Variants in N4BP1 observed in about 807,000 individuals in gnomAD.
N4BP1 encodes NEDD4-binding protein 1.
Under a neutral mutation model 70.9 loss-of-function variants are expected in N4BP1, and 21 were observed. The observed-to-expected ratio is 0.30, with a 90% CI of 0.21 to 0.43. The LOEUF (loss-of-function observed/expected upper bound fraction) is 0.43. Ranked by LOEUF, N4BP1 falls within the 20% of genes least tolerant of loss-of-function variation. The probability of loss-of-function intolerance (pLI) is 1.00; values close to 1 mark genes in which losing one functional copy is unlikely to be tolerated. For missense variants in N4BP1, 936 were observed against 1,069.4 expected (o/e 0.88, Z 1.74); for synonymous variants, 387 against 394.6 (o/e 0.98, Z 0.23).
chr16:48,609,895 A>G lies in N4BP1; in HGVS notation c.78T>C (p.Arg26=), dbSNP rs1430977376. 1 of 1,477,256 alleles carries G rather than the reference A, an allele frequency of 6.8e-7. No individual in the cohort carries two copies. Among genetic ancestry groups the G allele is most frequent in the Non-Finnish European group, 9.0e-7 (1 of 1,116,030 alleles). 91.5% of individuals were successfully genotyped at this position (1,477,256 alleles called of 1,614,324 possible). A position where few individuals can be genotyped will look rare whatever the true frequency, so the allele number is the denominator to read the frequency against. The change falls in exon 1 of 7, where the codon CGT becomes CGC. Residue 26 remains arginine, a synonymous_variant. Coordinates refer to ENST00000262384, the MANE Select transcript of N4BP1 (RefSeq NM_153029.4). ...KAELLEQSRG[R]IEGLFGVSLA... ...GGCTCACGCCAAACAGGCCCTCGAT[A>G]CGGCCGCGGCTCTGCTCCAGCAGCT... is the stretch of plus-strand genomic sequence containing the variant.
chr16:48,566,893 G>C (rs922086972), intron 1 of N4BP1, among the ~76,000 whole-genome samples: 1 of 152,174 alleles, frequency 6.6e-6, no homozygotes, highest in African/African-American at 2.4e-5. Context: ...TCTACTGATA[G>C]GAATATAAAG....
At position 48,542,879 on chromosome 16, in the gene N4BP1, G is replaced by A. The variant is rs760739461; in HGVS notation, c.*25C>T. ...TGAGTTTGATCAGCCAGCCCTGAGC[G>A]CAAGCTCAGCGCTCAGCACAATCTT... On this transcript the variant is annotated 3_prime_UTR_variant, in exon 7 of 7. Coordinates refer to ENST00000262384, the MANE Select transcript of N4BP1 (RefSeq NM_153029.4). The A allele has an allele frequency of 8.3e-6, 13 of 1,563,630 alleles. No individual in the cohort carries two copies. Among genetic ancestry groups the A allele is most frequent in the South Asian group, 8.1e-5 (7 of 86,058 alleles).
chr16:48,563,068 T>C (rs573348373), intron 1 of N4BP1, among the ~76,000 whole-genome samples: 1 of 152,260 alleles, frequency 6.6e-6, no homozygotes, highest in African/African-American at 2.4e-5. Flanking sequence ...TTAAATTAAA[T>C]GCAGATCTAA....
At chr16:48,567,321 T>G (rs183244360) in intron 1 of N4BP1, among the ~76,000 whole-genome samples, 1 of 152,300 alleles carries the variant, frequency 6.6e-6, no homozygotes, top group East Asian at 1.9e-4. Context: ...CCTACTGCAT[T>G]TTTTTCTTTG....
At position 48,546,183 on chromosome 16, in the gene N4BP1, C is replaced by A. The variant is rs752687078; in HGVS notation, c.2297G>T (p.Arg766Leu). The change falls in exon 6 of 7, where the codon CGA becomes CTA. Residue 766 changes from arginine to leucine, a missense_variant. Physicochemically the swap from Arg to Leu is moderately radical, Grantham distance 102 (BLOSUM62 -2). Transcript: ENST00000262384. ...TTCCTTCTGAAGAAACTCCTCTAATCGAGGTCCACTTCTTCCCAGAGGATC... is the reference window on the plus strand; with the variant it reads ...TTCCTTCTGAAGAAACTCCTCTAATAGAGGTCCACTTCTTCCCAGAGGATC... The part of the protein sequence containing the change: ...PDDPLGRSGP[R>L]LEEFLQKEVC... The A allele has an allele frequency of 1.2e-6, 2 of 1,612,870 alleles. No homozygotes were observed. Among genetic ancestry groups the A allele is most frequent in the Non-Finnish European group, 1.7e-6 (2 of 1,179,438 alleles).
intron 1 of N4BP1, among the ~76,000 whole-genome samples, chr16:48,568,655 C>A (rs1192009783): frequency 1.3e-5 from 2 of 152,186 alleles, no homozygotes; most frequent in African/African-American, 4.8e-5. Flanking sequence ...TCTTCCCCAG[C>A]AAACTGAGAA....
chr16:48,572,961 A>ATT (rs919027033), intron 1 of N4BP1, among the ~76,000 whole-genome samples: 89 of 151,830 alleles, frequency 5.9e-4, no homozygotes, highest in African/African-American at 2.0e-3. Context: ...AAAGTTAAAA[A>ATT]ATTAGCCGAG....
At chr16:48,581,204 G>A (rs563055903) in intron 1 of N4BP1, among the ~76,000 whole-genome samples, 1 of 151,122 alleles carries the variant, frequency 6.6e-6, no homozygotes, top group African/African-American at 2.4e-5. Flanking sequence ...TCAGTTCAAT[G>A]AATGCCAAAA....
rs1187662597 is a variant in N4BP1 at position 48,562,322 on chromosome 16, A to G, written c.321T>C (p.Cys107=). 2 of 1,613,830 alleles carry G rather than the reference A, an allele frequency of 1.2e-6. No homozygotes were observed. The highest frequency in any genetic ancestry group is 1.7e-6 in the Non-Finnish European group (2 of 1,179,868). ...CAATGTCCAGAATGCAGAGGTCAGC[A>G]CAAGTATCCTGAATCAAGCTTTTCA... ...LFLKSLIQDT[C]ADLCILDIGL... is the part of the protein sequence containing the mutation. The change falls in exon 2 of 7, where the codon TGT becomes TGC. Residue 107 remains cysteine (C), a synonymous_variant. Transcript: ENST00000262384.
At chr16:48,546,122 C>A (rs368741018) in intron 6 of N4BP1, 25 bp downstream of exon 6, 185 of 1,488,286 alleles carry the variant, frequency 1.2e-4, no homozygotes, top group Non-Finnish European at 1.6e-4. Flanking sequence ...AGTTTTAATA[C>A]AAGACAATCT....
At position 48,564,097 on chromosome 16, in the gene N4BP1, G is replaced by A. The variant is rs561040072; in HGVS notation, c.199-1653C>T. Among the ~76,000 whole-genome samples, 3 of 152,178 alleles carry A rather than the reference G, an allele frequency of 2.0e-5. No homozygotes were observed. The South Asian group carries it at 6.2e-4, about 32-fold the overall frequency. Reference sequence around the variant, plus strand: ...TTTCTAATTGTTTTTTTACTGTTGAGTTTTGAGAGCTCTTTATATATCCTA... The same window carrying A: ...TTTCTAATTGTTTTTTTACTGTTGAATTTTGAGAGCTCTTTATATATCCTA... On this transcript the variant is annotated intron_variant, in intron 1 of 6. Transcript: ENST00000262384.
Position 48,609,794 on chromosome 16 carries a change from T to C in N4BP1, c.179A>G (p.Glu60Gly), listed in dbSNP as rs1411956500. The C allele has an allele frequency of 6.8e-7, 1 of 1,464,606 alleles. No individual in the cohort carries two copies. Among genetic ancestry groups the C allele is most frequent in the Admixed American group, 2.4e-5 (1 of 42,512 alleles). 90.7% of individuals were successfully genotyped at this position (1,464,606 alleles called of 1,614,324 possible). ...RIWLQLCGAQ[E>G]AVHSAKEYIK... ...ACTCACCTTGGCGCTGTGCACCGCCTCCTGCGCCCCGCAGAGCTGCAGCCA... is the reference window on the plus strand; with the variant it reads ...ACTCACCTTGGCGCTGTGCACCGCCCCCTGCGCCCCGCAGAGCTGCAGCCA... Residue 60 changes from glutamate to glycine, a missense_variant, in exon 1 of 7, where the codon GAG becomes GGG. Physicochemically the swap from Glu to Gly is moderately conservative, Grantham distance 98. Around this residue, in one of 4 missense-constraint regions of N4BP1, gnomAD observed 187 missense variants for 217.1 expected, o/e 0.86. Coordinates refer to ENST00000262384, the MANE Select transcript of N4BP1 (RefSeq NM_153029.4).
intron 4 of N4BP1, among the ~76,000 whole-genome samples, chr16:48,550,227 A>G (rs1199551771): frequency 6.6e-6 from 1 of 152,186 alleles, no homozygotes; most frequent in Non-Finnish European, 1.5e-5. Context: ...AAAAATTTAA[A>G]AAGGGCCAGG....
intron 6 of N4BP1, 113 bp downstream of exon 6, chr16:48,546,034 A>C (rs1025815186): frequency 5.6e-5 from 37 of 666,520 alleles, no homozygotes; most frequent in Non-Finnish European, 8.3e-5. Flanking sequence ...TCTCAAAAAA[A>C]AAAAAAATAA....
chr16:48,575,423 G>C (rs1964078554), intron 1 of N4BP1, among the ~76,000 whole-genome samples: 1 of 152,166 alleles, frequency 6.6e-6, no homozygotes, highest in African/African-American at 2.4e-5. Flanking sequence ...CTTTTATGTG[G>C]TACATGGAAT....
intron 1 of N4BP1, among the ~76,000 whole-genome samples, chr16:48,563,709 T>C (rs1290075931): frequency 6.6e-6 from 1 of 152,212 alleles, no homozygotes; most frequent in East Asian, 1.9e-4. Flanking sequence ...TTGTCTGTTT[T>C]CTAAAGAAAA....
chr16:48,575,861 T>C (rs1391143510), intron 1 of N4BP1, among the ~76,000 whole-genome samples: 9 of 152,170 alleles, frequency 5.9e-5, no homozygotes, highest in African/African-American at 1.2e-4. Context: ...TATGACATAC[T>C]TGCCAGCTGC....
chr16:48,546,125 G>T, intron 6 of N4BP1, 22 bp downstream of exon 6: 1 of 1,501,618 alleles, frequency 6.7e-7, no homozygotes, highest in Non-Finnish European at 9.2e-7. Context: ...TTTAATACAA[G>T]ACAATCTGAA....
intron 3 of N4BP1, among the ~76,000 whole-genome samples, chr16:48,553,303 T>C (rs1417360502): frequency 1.3e-5 from 2 of 152,230 alleles, no homozygotes; most frequent in Admixed American, 6.5e-5. Context: ...TATAATGAAC[T>C]CTTAATATAA....
Sources: gnomAD v4.1 joint callset for allele counts (sites outside exome capture counted in the v4.1 genomes callset) on GRCh38, gnomAD v4.1.1 for gene constraint, gnomAD v4.1.1 regional missense constraint, MANE v1.5 for transcripts, NCBI Gene and HGNC (gene_info 2026-07-23, HGNC 2026-07-21) for gene names.